The following GNG7 variants were observed in gnomAD, a reference collection of about 807,000 sequenced individuals.
GNG7 encodes the protein G protein subunit gamma 7, also known as guanine nucleotide-binding protein G(I)/G(S)/G(O) subunit gamma-7.
A neutral mutation model predicts 4.0 loss-of-function variants in GNG7; 1 was observed. That is an observed-to-expected ratio of 0.25 (90% CI 0.09 to 1.18). The LOEUF is 1.18. GNG7 is among the 50% of genes most tolerant of loss of function. The pLI is 0.50. For synonymous variants in GNG7, 34 were observed against 36.9 expected (o/e 0.92, Z 0.29); for missense variants, 86 against 91.9 (o/e 0.94, Z 0.26).
chr19:2,566,877 C>T (rs539824744), intron 2 of GNG7, among the ~76,000 whole-genome samples: 1 of 152,132 alleles, frequency 6.6e-6, no homozygotes, highest in Middle Eastern at 3.4e-3. Context: ...CCGAGGCAGG[C>T]GGATCATCTG....
At chr19:2,607,905 C>T (rs1308945581) in intron 2 of GNG7, among the ~76,000 whole-genome samples, 1 of 152,072 alleles carries the variant, frequency 6.6e-6, no homozygotes, top group East Asian at 1.9e-4. Context: ...TACGTTCAGG[C>T]GACAGCGACA....
chr19:2,657,909 C>G (rs1181030130), intron 1 of GNG7, among the ~76,000 whole-genome samples: 1 of 152,008 alleles, frequency 6.6e-6, no homozygotes, highest in Non-Finnish European at 1.5e-5. Flanking sequence ...TCCTCTCTCT[C>G]TCTCTCTCTT....
chr19:2,535,282 A>C (rs1978699224), intron 3 of GNG7, among the ~76,000 whole-genome samples: 1 of 149,912 alleles, frequency 6.7e-6, no homozygotes, highest in African/African-American at 2.5e-5. Flanking sequence ...TGAGCCCAAG[A>C]GTTCGAGACC....
In GNG7 at chr19:2,549,293, GT is replaced by G. The variant is rs11439149; in HGVS notation, c.-38+5855del. Among the ~76,000 whole-genome samples the G allele has an allele frequency of 4.2e-3, 604 of 144,648 alleles. 1 individual carries two copies. The highest frequency in any genetic ancestry group is 5.0e-3 in the South Asian group (23 of 4,574). The allele number at this position is 144,648 out of a possible 152,430, so 94.9% of individuals were successfully genotyped here. A position where few individuals can be genotyped will look rare whatever the true frequency, so the allele number is the denominator to read the frequency against. On this transcript the variant is annotated intron_variant, in intron 3 of 4. Transcript: ENST00000382159. ...GCACGGAGGGCTTAAACAGGGCTGT[GT>G]TTTTTTTTTTTTCTTTTAGATGGAG...
At chr19:2,534,806 G>C (rs1315008698) in intron 3 of GNG7, among the ~76,000 whole-genome samples, 1 of 152,232 alleles carries the variant, frequency 6.6e-6, no homozygotes, top group African/African-American at 2.4e-5. Context: ...GTTTCCACTG[G>C]AGTCCAAAGG....
At chr19:2,619,966 G>A (rs1443639792) in intron 2 of GNG7, among the ~76,000 whole-genome samples, 1 of 151,660 alleles carries the variant, frequency 6.6e-6, no homozygotes, top group Non-Finnish European at 1.5e-5. Flanking sequence ...GGACGAGGGG[G>A]GGGCGCGGAT....
intron 3 of GNG7, among the ~76,000 whole-genome samples, chr19:2,547,357 G>T (rs1025635866): frequency 6.6e-6 from 1 of 152,050 alleles, no homozygotes. Flanking sequence ...GGCTCCAGGG[G>T]AGAATCTCTT....
intron 3 of GNG7, among the ~76,000 whole-genome samples, chr19:2,531,173 C>T (rs1372447884): frequency 6.9e-6 from 1 of 145,078 alleles, no homozygotes; most frequent in African/African-American, 2.6e-5. Flanking sequence ...GGCATGATGG[C>T]GGGTTCTTGT....
chr19:2,668,655 G>C (rs1983373835), intron 1 of GNG7, among the ~76,000 whole-genome samples: 1 of 152,200 alleles, frequency 6.6e-6, no homozygotes, highest in South Asian at 2.1e-4. Context: ...TCCTGGGCTG[G>C]AGGAGGGCTG....
rs1233401516 is a variant in GNG7, at chr19:2,557,002, C to A, written c.-77-1814G>T. On this transcript the variant is annotated intron_variant, in intron 2 of 4. Transcript: ENST00000382159. This position sits in a 1 kb window ranked among gnomAD's most constrained non-coding sequence, Gnocchi z 5.1. ...GAGACATCCAGGGGGGCTGCCTCCC[C>A]TCCCACCTCTACACACACACACGCA... is the stretch of plus-strand genomic sequence containing the variant. Among the ~76,000 whole-genome samples the A allele has an allele frequency of 6.8e-6, 1 of 147,390 alleles. No individual in the cohort carries two copies. The highest frequency in any genetic ancestry group is 1.5e-5 in the Non-Finnish European group (1 of 66,798).
intron 2 of GNG7, chr19:2,632,575 G>A (rs2144844143): frequency 6.6e-6 from 1 of 152,348 alleles, no homozygotes; most frequent in South Asian, 2.1e-4. Flanking sequence ...CTACTCTACA[G>A]GGAAGTCTCT....
chr19:2,668,830 G>T (rs1261704193), intron 1 of GNG7, among the ~76,000 whole-genome samples: 1 of 152,110 alleles, frequency 6.6e-6, no homozygotes, highest in Admixed American at 6.5e-5. Context: ...CTGTGGTAGG[G>T]GGCTGTGCTG....
chr19:2,544,158 A>G (rs986236956), intron 3 of GNG7, among the ~76,000 whole-genome samples: 22 of 152,312 alleles, frequency 1.4e-4, no homozygotes, highest in Admixed American at 1.4e-3. Context: ...GTTCAGAGAC[A>G]AGAGAGACAG....
rs973047784 is a variant in GNG7, at chr19:2,602,982, CTT to C, written c.-78+43240_-78+43241del. On this transcript the variant is annotated intron_variant, in intron 2 of 4. Transcript: ENST00000382159. ...TTTCTCTTTCTTTCTTTCTCTCTCT[CTT>C]TCCTTCCTTCCTTTCTTTTCTTTCT... Among the ~76,000 whole-genome samples the C allele has an allele frequency of 7.4e-5, 11 of 148,064 alleles. No homozygotes were observed. In the Admixed American group the frequency reaches 7.5e-4, roughly 10 times the overall value.
intron 1 of GNG7, among the ~76,000 whole-genome samples, chr19:2,670,345 T>TG (rs1295079416): frequency 1.3e-5 from 2 of 152,194 alleles, no homozygotes; most frequent in African/African-American, 4.8e-5. Context: ...GGCCTGCCTC[T>TG]GAGGCCCCCG....
rs1426120007 is a variant in GNG7 at position 2,555,201 on chromosome 19, GGAGA to G, written c.-77-17_-77-14del. 1 of 152,114 alleles carries G rather than the reference GGAGA, an allele frequency of 6.6e-6. No homozygotes were observed. Among genetic ancestry groups the G allele is most frequent in the East Asian group, 1.9e-4 (1 of 5,204 alleles). 9.4% of individuals were successfully genotyped at this position (152,114 alleles called of 1,614,324 possible). A position where few individuals can be genotyped will look rare whatever the true frequency, so the allele number is the denominator to read the frequency against. On this transcript the variant is annotated splice_polypyrimidine_tract_variant and intron_variant, in intron 2 of 4. Coordinates refer to ENST00000382159, the MANE Select transcript of GNG7 (RefSeq NM_052847.3). ...CTTGCTGTACACCCTGTTTAAAAAA[GGAGA>G]GAGAAAGAGAAAAGCATGGTTACAT...
At chr19:2,655,501 G>A (rs1166249379) in intron 1 of GNG7, among the ~76,000 whole-genome samples, 1 of 151,128 alleles carries the variant, frequency 6.6e-6, no homozygotes, top group Non-Finnish European at 1.5e-5. Flanking sequence ...TCACGAGTTC[G>A]AGACCAGCCT....
At chr19:2,630,624 G>T (rs559410889) in intron 2 of GNG7, 2 of 152,002 alleles carry the variant, frequency 1.3e-5, no homozygotes, top group Admixed American at 1.3e-4. Context: ...ACAAAGAACT[G>T]AATTCTGAAT....
Position 2,677,845 on chromosome 19 carries a change from G to A in GNG7, c.-135+24801C>T, listed in dbSNP as rs559077374. 3.3e-5 allele frequency among the ~76,000 whole-genome samples: 5 copies of A among 152,282 alleles called. No homozygotes were observed. The South Asian group carries it at 8.3e-4, about 25-fold the overall frequency. On this transcript the variant is annotated intron_variant, in intron 1 of 4. Transcript: ENST00000382159. ...CATAGAGTGGGTGGAGGCCAGGGAC[G>A]CTGCTCAGCACCCTACAGTGCCCAG...
Sources: allele counts gnomAD v4.1 joint callset (sites outside exome capture counted in the v4.1 genomes callset), GRCh38; gene constraint gnomAD v4.1.1; non-coding constraint Gnocchi (gnomAD v3.1); transcripts MANE v1.5; gene names NCBI Gene and HGNC (gene_info 2026-07-23, HGNC 2026-07-21).